The following PRKCQ variants were observed in gnomAD, a reference collection of about 807,000 sequenced individuals.
The protein encoded by PRKCQ is protein kinase C theta type.
Under a neutral mutation model 91.2 loss-of-function variants are expected in PRKCQ, and 41 were observed. That is an observed-to-expected ratio of 0.45 (90% CI 0.35 to 0.58). PRKCQ has a LOEUF of 0.58. Ranked by LOEUF, PRKCQ falls within the 20% of genes least tolerant of loss-of-function variation. The pLI, the probability that PRKCQ is intolerant of heterozygous loss-of-function variation, is 0.00. For missense variants in PRKCQ, 673 were observed against 896.5 expected (o/e 0.75, Z 3.18); for synonymous variants, 307 against 316.9 (o/e 0.97, Z 0.33).
At position 6,576,366 on chromosome 10, in the gene PRKCQ, T is replaced by C. The variant is rs887270018; in HGVS notation, c.-10+3845A>G. Among the ~76,000 whole-genome samples the C allele has an allele frequency of 7.2e-5, 11 of 152,194 alleles. No individual in the cohort carries two copies. Among genetic ancestry groups the C allele is most frequent in the African/African-American group, 2.4e-4 (10 of 41,454 alleles). ...TCCATAAATGGAATAGTATTCAGAC[T>C]TAAAAAGGAAGGAAGTCCTGTCCAA... On this transcript the variant is annotated intron_variant, in intron 1 of 17. Transcript: ENST00000263125. This position sits in a 1 kb window ranked among gnomAD's most constrained non-coding sequence, Gnocchi z 4.2.
At chr10:6,498,368 C>T in intron 5 of PRKCQ, 28 bp downstream of exon 5, 2 of 1,611,660 alleles carry the variant, frequency 1.2e-6, no homozygotes, top group Non-Finnish European at 1.7e-6. Flanking sequence ...TAACCCGAAG[C>T]TTGGAGGGAG....
rs537876364 is a variant in PRKCQ, at chr10:6,572,596, T to C, written c.-10+7615A>G. Among the ~76,000 whole-genome samples, 99 of 152,364 alleles carry C rather than the reference T, an allele frequency of 6.5e-4. 1 individual carries two copies. The highest frequency in any genetic ancestry group is 1.0e-3 in the Non-Finnish European group (68 of 68,034). ...CTTTTTATGGCTACATAGTATTCTA[T>C]GGTGTGTATGTACATTTTCTTAATC... On this transcript the variant is annotated intron_variant, in intron 1 of 17. Coordinates refer to ENST00000263125, the MANE Select transcript of PRKCQ (RefSeq NM_006257.5).
chr10:6,417,979 C>T, the PRKCQ span, among the ~76,000 whole-genome samples: 3 of 152,214 alleles, frequency 2.0e-5, no homozygotes, highest in African/African-American at 7.2e-5. Context: ...GGTCTCCTTC[C>T]CCCATCTCCC....
At chr10:6,506,024 C>T (rs990817502) in intron 4 of PRKCQ, among the ~76,000 whole-genome samples, 2 of 152,172 alleles carry the variant, frequency 1.3e-5, no homozygotes, top group African/African-American at 2.4e-5. Flanking sequence ...AGGAATTAAA[C>T]ATCATTGATA....
At chr10:6,455,366 A>G (rs112656816) in intron 15 of PRKCQ, among the ~76,000 whole-genome samples, 56 of 152,350 alleles carry the variant, frequency 3.7e-4, no homozygotes, top group African/African-American at 1.1e-3. Context: ...CAACAATGCC[A>G]TGTAAGCTAA....
chr10:6,542,715 A>C (rs1404344657), intron 1 of PRKCQ, among the ~76,000 whole-genome samples: 1 of 152,144 alleles, frequency 6.6e-6, no homozygotes. Flanking sequence ...GGCCATCAGA[A>C]GATCAGCTTA....
At chr10:6,421,225 C>G in the PRKCQ span, among the ~76,000 whole-genome samples, 1 of 152,160 alleles carries the variant, frequency 6.6e-6, no homozygotes, top group Non-Finnish European at 1.5e-5. The surrounding 1 kb of genome is among the most constrained non-coding windows in gnomAD (Gnocchi z 4.1). Flanking sequence ...TAGCTCATGC[C>G]TGTAATCCCA....
At chr10:6,563,463 A>G (rs1840710055) in intron 1 of PRKCQ, among the ~76,000 whole-genome samples, 1 of 151,924 alleles carries the variant, frequency 6.6e-6, no homozygotes, top group Non-Finnish European at 1.5e-5. Flanking sequence ...CCTCTTCCCT[A>G]TAAGCCCCTC....
intron 11 of PRKCQ, among the ~76,000 whole-genome samples, chr10:6,479,439 C>T (rs1048228035): frequency 2.0e-5 from 3 of 152,114 alleles, no homozygotes; most frequent in Non-Finnish European, 4.4e-5. Context: ...GCCCTGCCTG[C>T]TCAGGGATCT....
chr10:6,566,693 G>A lies in PRKCQ; in HGVS notation c.-10+13518C>T, dbSNP rs189342435. On this transcript the variant is annotated intron_variant, in intron 1 of 17. Coordinates refer to ENST00000263125, the MANE Select transcript of PRKCQ (RefSeq NM_006257.5). ...TGTGTGCCAGCGACCACCTGTCCTC[G>A]ATTACTGCAAGAAAACAGAAGAACA... Among the ~76,000 whole-genome samples the A allele has an allele frequency of 3.8e-3, 578 of 152,072 alleles. 6 individuals are homozygous for A. Among genetic ancestry groups the A allele is most frequent in the Non-Finnish European group, 5.2e-3 (354 of 67,988 alleles).
At chr10:6,496,148 G>A (rs1837573371) in intron 7 of PRKCQ, among the ~76,000 whole-genome samples, 2 of 148,790 alleles carry the variant, frequency 1.3e-5, no homozygotes, top group South Asian at 2.1e-4. Context: ...CCTGGAAGGT[G>A]GAAGTTGCAG....
At chr10:6,558,161 T>C (rs937363650) in intron 1 of PRKCQ, among the ~76,000 whole-genome samples, 16 of 152,216 alleles carry the variant, frequency 1.1e-4, no homozygotes, top group Non-Finnish European at 2.1e-4. Context: ...TCCAGACTCA[T>C]GACCCACACA....
chr10:6,445,952 AAATTT>A (rs1386438793), intron 15 of PRKCQ, among the ~76,000 whole-genome samples: 1 of 152,236 alleles, frequency 6.6e-6, no homozygotes, highest in Non-Finnish European at 1.5e-5. Context: ...AACAAAAAGA[AAATTT>A]GGAAGGACAG....
At chr10:6,454,965 G>A (rs531957436) in intron 15 of PRKCQ, among the ~76,000 whole-genome samples, 6 of 152,272 alleles carry the variant, frequency 3.9e-5, no homozygotes, top group South Asian at 4.1e-4. Flanking sequence ...AAGGTTTGCC[G>A]TGGAAAAGAC....
At chr10:6,483,109 C>CA (rs1214666215) in intron 11 of PRKCQ, among the ~76,000 whole-genome samples, 22 of 152,100 alleles carry the variant, frequency 1.4e-4, no homozygotes, top group Admixed American at 1.1e-3. Context: ...GAAGAGAAAA[C>CA]AAAATGAAAC....
chr10:6,450,677 TA>T (rs1180373810), intron 15 of PRKCQ, among the ~76,000 whole-genome samples: 2 of 152,176 alleles, frequency 1.3e-5, no homozygotes, highest in African/African-American at 4.8e-5. Flanking sequence ...TAGTTGGAAG[TA>T]AAGCTCTCCT....
chr10:6,580,327 G>GGGGCTGGCT (rs1841432759), upstream of PRKCQ: 1 of 149,118 alleles, frequency 6.7e-6, no homozygotes, highest in Non-Finnish European at 1.5e-5. Context: ...CGGGGCTGGC[G>GGGGCTGGCT]GGCCCGGCGC....
At chr10:6,534,383 C>A (rs114840609) in intron 1 of PRKCQ, among the ~76,000 whole-genome samples, 1 of 152,160 alleles carries the variant, frequency 6.6e-6, no homozygotes, top group Non-Finnish European at 1.5e-5. Context: ...GAACATGACT[C>A]TTAATATCCT....
intron 16 of PRKCQ, among the ~76,000 whole-genome samples, chr10:6,436,163 T>C (rs1054100894): frequency 5.3e-5 from 8 of 152,238 alleles, no homozygotes; most frequent in Non-Finnish European, 8.8e-5. Context: ...TTTGCTTCTT[T>C]AAACTTTATT....
Sources: allele counts gnomAD v4.1 joint callset (sites outside exome capture counted in the v4.1 genomes callset), GRCh38; gene constraint gnomAD v4.1.1; non-coding constraint Gnocchi (gnomAD v3.1); transcripts MANE v1.5; gene names NCBI Gene and HGNC (gene_info 2026-07-23, HGNC 2026-07-21).